PLEKHG1: variants seen among roughly 807,000 people sequenced by gnomAD.
PLEKHG1 encodes the protein pleckstrin homology domain-containing family G member 1.
PLEKHG1 carries 44 observed loss-of-function variants against 100.8 expected under a neutral mutation model. The ratio of observed to expected loss-of-function variants is 0.44; its 90% CI spans 0.34 to 0.56. The LOEUF (loss-of-function observed/expected upper bound fraction) is 0.56, where lower values mean the gene tolerates loss of function less well. PLEKHG1 is among the 20% of genes least tolerant of loss of function. PLEKHG1 has a pLI of 0.01. For synonymous variants in PLEKHG1, 640 were observed against 662.5 expected, an observed-to-expected ratio of 0.97 and a Z score of 0.52; for missense variants, 1,545 against 1,720.9, an observed-to-expected ratio of 0.90 and a Z score of 1.81.
intron 4 of PLEKHG1, among the ~76,000 whole-genome samples, chr6:150,788,645 C>T (rs1003052541): frequency 6.6e-6 from 1 of 152,234 alleles, no homozygotes; most frequent in African/African-American, 2.4e-5. Flanking sequence ...TCTCTGGAAA[C>T]ACCTAGAATG....
intron 2 of PLEKHG1, among the ~76,000 whole-genome samples, chr6:150,754,526 G>A (rs1783709839): frequency 1.3e-5 from 2 of 152,090 alleles, no homozygotes; most frequent in African/African-American, 4.8e-5. Context: ...ATGAGAACAA[G>A]GTCAAGGCAG....
intron 3 of PLEKHG1, among the ~76,000 whole-genome samples, chr6:150,772,464 C>A (rs1248890822): frequency 6.6e-6 from 1 of 151,964 alleles, no homozygotes; most frequent in Non-Finnish European, 1.5e-5. Context: ...TACAAAAAAT[C>A]AAAAAATTAG....
upstream of PLEKHG1, among the ~76,000 whole-genome samples, chr6:150,716,094 C>T (rs1277877913): frequency 1.8e-5 from 2 of 109,282 alleles, no homozygotes; most frequent in East Asian, 5.3e-4. Context: ...GGCGACAGAG[C>T]GAGACTCCGT....
chr6:150,823,511 G>C, intron 13 of PLEKHG1, 143 bp from the exon 15 acceptor site: 7 of 599,294 alleles, frequency 1.2e-5, no homozygotes, highest in Non-Finnish European at 2.9e-6. Flanking sequence ...GGGATTTTCT[G>C]AAAATTAGAT....
chr6:150,807,901 A>G (rs1787232803), intron 7 of PLEKHG1, among the ~76,000 whole-genome samples: 1 of 152,102 alleles, frequency 6.6e-6, no homozygotes, highest in Non-Finnish European at 1.5e-5. Flanking sequence ...CCCAGGAGGG[A>G]GAGGTTGCAG....
At chr6:150,606,405 G>C (rs1776602490) in intron 1 of PLEKHG1, among the ~76,000 whole-genome samples, 1 of 152,160 alleles carries the variant, frequency 6.6e-6, no homozygotes, top group Non-Finnish European at 1.5e-5. Flanking sequence ...AGGTCCCTCT[G>C]ACCCAGTAGG....
At chr6:150,758,823 T>G (rs921912316) in intron 2 of PLEKHG1, among the ~76,000 whole-genome samples, 2 of 152,252 alleles carry the variant, frequency 1.3e-5, no homozygotes, top group Non-Finnish European at 2.9e-5. Flanking sequence ...GTGAGCATTT[T>G]CCTTTGAAGG....
chr6:150,612,174 C>G (rs1428038593), intron 1 of PLEKHG1, among the ~76,000 whole-genome samples: 1 of 151,636 alleles, frequency 6.6e-6, no homozygotes, highest in Non-Finnish European at 1.5e-5. Context: ...AGTTCTCAAT[C>G]TATGTTCACT....
At position 150,830,493 on chromosome 6, in the gene PLEKHG1, A is replaced by C; in HGVS notation, c.1471-89A>C. 3.4e-6 allele frequency: 3 copies of C among 877,666 alleles called. No homozygotes were observed. In the South Asian group the frequency reaches 5.1e-5, roughly 15 times the overall value. The allele number at this position is 877,666 out of a possible 1,614,324, so 54.4% of individuals were successfully genotyped here. A position where few individuals can be genotyped will look rare whatever the true frequency, so the allele number is the denominator to read the frequency against. Reference sequence around the variant, plus strand: ...AAAGAATATTAAAGCCTAGTGGGGGAGGCAGTGTGTAAACACAGGAGAAAT... The same window carrying C: ...AAAGAATATTAAAGCCTAGTGGGGGCGGCAGTGTGTAAACACAGGAGAAAT... On this transcript the variant is annotated intron_variant, in intron 14 of 15. Transcript: ENST00000358517.
At chr6:150,643,049 A>T (rs1778336064) in intron 2 of PLEKHG1, among the ~76,000 whole-genome samples, 1 of 152,186 alleles carries the variant, frequency 6.6e-6, no homozygotes, top group South Asian at 2.1e-4. Context: ...GCTTTTCTTT[A>T]TTAAGAGGCC....
intron 2 of PLEKHG1, among the ~76,000 whole-genome samples, chr6:150,757,300 C>CT (rs1238070509): frequency 3.3e-5 from 5 of 152,212 alleles, no homozygotes; most frequent in Admixed American, 1.3e-4. Context: ...CGCACCCCAC[C>CT]TGCTGTAAAT....
At chr6:150,703,904 G>A (rs910622456) in intron 3 of PLEKHG1, among the ~76,000 whole-genome samples, 15 of 152,174 alleles carry the variant, frequency 9.9e-5, no homozygotes, top group African/African-American at 2.4e-4. Context: ...ATAGTTGAAC[G>A]TACTTGGTGA....
At chr6:150,609,614 GT>G (rs1313760341) in intron 1 of PLEKHG1, among the ~76,000 whole-genome samples, 2 of 152,164 alleles carry the variant, frequency 1.3e-5, no homozygotes, top group Non-Finnish European at 2.9e-5. Flanking sequence ...GCTTGGCAGT[GT>G]GATGCAAAGC....
chr6:150,753,346 A>T (rs749811539), intron 2 of PLEKHG1, among the ~76,000 whole-genome samples: 1 of 152,032 alleles, frequency 6.6e-6, no homozygotes, highest in Non-Finnish European at 1.5e-5. Flanking sequence ...TTTATACTTT[A>T]AAATATTTTC....
chr6:150,811,848 C>G (rs867078431), intron 10 of PLEKHG1, among the ~76,000 whole-genome samples: 1 of 152,042 alleles, frequency 6.6e-6, no homozygotes. Flanking sequence ...GGGGAGATGG[C>G]GCAGTCAGTC....
intron 3 of PLEKHG1, chr6:150,662,903 G>T (rs561171179): frequency 6.6e-6 from 1 of 152,252 alleles, no homozygotes; most frequent in Non-Finnish European, 1.5e-5. Context: ...AGCTTTTTAT[G>T]TTTTATGATA....
chr6:150,764,487 T>C (rs1176935123), intron 2 of PLEKHG1, among the ~76,000 whole-genome samples: 3 of 152,184 alleles, frequency 2.0e-5, no homozygotes, highest in South Asian at 4.1e-4. Flanking sequence ...CCACCAGCTA[T>C]GTAGCGTGGA....
chr6:150,642,509 C>T (rs1562403561), intron 2 of PLEKHG1, among the ~76,000 whole-genome samples: 1 of 152,210 alleles, frequency 6.6e-6, no homozygotes, highest in Non-Finnish European at 1.5e-5. Context: ...CACTGGAATG[C>T]TGCCAAGACC....
chr6:150,777,596 C>T (rs1785058239), intron 3 of PLEKHG1, among the ~76,000 whole-genome samples: 1 of 151,560 alleles, frequency 6.6e-6, no homozygotes, highest in Non-Finnish European at 1.5e-5. Flanking sequence ...ATCAGCCACA[C>T]TGATGCAATC....
Sources: gnomAD v4.1 joint callset for allele counts (sites outside exome capture counted in the v4.1 genomes callset) on GRCh38, gnomAD v4.1.1 for gene constraint, MANE v1.5 for transcripts, NCBI Gene and HGNC (gene_info 2026-07-23, HGNC 2026-07-21) for gene names.